KCNIP4: variants seen among roughly 807,000 people sequenced by gnomAD.
The protein encoded by KCNIP4 is Kv channel-interacting protein 4.
A neutral mutation model predicts 34.0 loss-of-function variants in KCNIP4; 12 were observed. That is an observed-to-expected ratio of 0.35 (90% CI 0.23 to 0.57). The LOEUF is 0.57. Ranked by LOEUF, KCNIP4 falls within the 20% of genes least tolerant of loss-of-function variation. KCNIP4 has a pLI of 0.83. For synonymous variants in KCNIP4, 124 were observed against 102.2 expected (o/e 1.21, Z -1.29); for missense variants, 238 against 311.7 (o/e 0.76, Z 1.78).
chr4:21,189,388 T>C (rs73247386), intron 1 of KCNIP4, among the ~76,000 whole-genome samples: 3 of 152,332 alleles, frequency 2.0e-5, no homozygotes, highest in Non-Finnish European at 4.4e-5. Flanking sequence ...TGTCATCAAA[T>C]GTCAATGTAA....
At chr4:21,340,876 G>T (rs1020177300) in intron 1 of KCNIP4, among the ~76,000 whole-genome samples, 3 of 152,066 alleles carry the variant, frequency 2.0e-5, no homozygotes. Flanking sequence ...TATTCTATGT[G>T]CATAGGGCAG....
intron 1 of KCNIP4, among the ~76,000 whole-genome samples, chr4:21,802,924 A>T (rs1185523646): frequency 1.3e-5 from 2 of 152,098 alleles, no homozygotes; most frequent in East Asian, 3.9e-4. Context: ...GAATTTTTTT[A>T]AAGGGGCTTT....
chr4:21,466,768 TACTTTAGAGTTGGCTG>T (rs1729977128), intron 1 of KCNIP4, among the ~76,000 whole-genome samples: 1 of 152,100 alleles, frequency 6.6e-6, no homozygotes, highest in African/African-American at 2.4e-5. Flanking sequence ...AAAATCAACA[TACTTTAGAGTTGGCTG>T]AATTTCTTCA....
At chr4:21,830,664 A>G (rs769740411) in intron 1 of KCNIP4, among the ~76,000 whole-genome samples, 4 of 152,106 alleles carry the variant, frequency 2.6e-5, no homozygotes, top group Admixed American at 1.3e-4. Context: ...ACAGAGCAAG[A>G]CTCAGTCTCA....
chr4:21,438,901 G>A (rs1390999256), intron 1 of KCNIP4, among the ~76,000 whole-genome samples: 3 of 152,100 alleles, frequency 2.0e-5, no homozygotes, highest in African/African-American at 7.2e-5. Flanking sequence ...GGTGGCTCAC[G>A]CCTGTAATCC....
At chr4:20,793,980 G>C (rs766841296) in intron 3 of KCNIP4, among the ~76,000 whole-genome samples, 2 of 152,070 alleles carry the variant, frequency 1.3e-5, no homozygotes, top group Non-Finnish European at 2.9e-5. Context: ...TTCTCATGTT[G>C]TTCTCATAAT....
At chr4:20,900,321 G>C (rs55838059) in intron 1 of KCNIP4, among the ~76,000 whole-genome samples, 2 of 152,134 alleles carry the variant, frequency 1.3e-5, no homozygotes, top group South Asian at 4.1e-4. Flanking sequence ...ATGAAACCCG[G>C]GGATGATCAG....
At chr4:21,248,060 ATG>A (rs111240655) in intron 1 of KCNIP4, among the ~76,000 whole-genome samples, 13 of 145,312 alleles carry the variant, frequency 8.9e-5, no homozygotes, top group South Asian at 4.3e-4. Context: ...ATATATATAT[ATG>A]TGTGTGTGTG....
intron 1 of KCNIP4, among the ~76,000 whole-genome samples, chr4:21,378,190 G>T (rs543426480): frequency 6.6e-6 from 1 of 152,248 alleles, no homozygotes; most frequent in Admixed American, 6.5e-5. Context: ...AAACCTAGTG[G>T]AATACTCACA....
intron 1 of KCNIP4, among the ~76,000 whole-genome samples, chr4:21,083,082 T>C (rs183112968): frequency 6.6e-6 from 1 of 152,018 alleles, no homozygotes; most frequent in East Asian, 1.9e-4. Flanking sequence ...CTGCAGTCTT[T>C]ACCCCTCATC....
chr4:20,903,081 C>T (rs1727345458), intron 1 of KCNIP4, among the ~76,000 whole-genome samples: 1 of 151,982 alleles, frequency 6.6e-6, no homozygotes, highest in Admixed American at 6.6e-5. Flanking sequence ...TATATGAGGC[C>T]TATACCGGGA....
At chr4:21,168,340 C>G (rs2109288313) in intron 1 of KCNIP4, among the ~76,000 whole-genome samples, 1 of 152,224 alleles carries the variant, frequency 6.6e-6, no homozygotes. Context: ...TAGTAGCTGT[C>G]CATGAAGATT....
intron 1 of KCNIP4, among the ~76,000 whole-genome samples, chr4:21,897,306 A>G (rs1206554137): frequency 6.6e-6 from 1 of 152,186 alleles, no homozygotes; most frequent in Non-Finnish European, 1.5e-5. Context: ...ATAAGACAGT[A>G]AAAGAACAGC....
chr4:20,864,623 C>A (rs192293029), intron 2 of KCNIP4, among the ~76,000 whole-genome samples: 1 of 151,846 alleles, frequency 6.6e-6, no homozygotes, highest in Non-Finnish European at 1.5e-5. Flanking sequence ...GAGGATGATG[C>A]CCCACTTATC....
At chr4:21,190,530 G>A (rs886635207) in intron 1 of KCNIP4, among the ~76,000 whole-genome samples, 1 of 151,864 alleles carries the variant, frequency 6.6e-6, no homozygotes, top group African/African-American at 2.4e-5. Flanking sequence ...GAGGGTGGGA[G>A]GGCAACTCCT....
intron 1 of KCNIP4, among the ~76,000 whole-genome samples, chr4:21,257,380 C>G (rs1010993496): frequency 2.6e-5 from 4 of 152,112 alleles, no homozygotes; most frequent in African/African-American, 9.7e-5. Context: ...ACCCCCCAGA[C>G]AAGTGATATC....
chr4:21,009,204 G>A (rs1738845353), intron 1 of KCNIP4, among the ~76,000 whole-genome samples: 1 of 152,150 alleles, frequency 6.6e-6, no homozygotes, highest in Non-Finnish European at 1.5e-5. Context: ...AGCGTGAGGA[G>A]TGGGATTCAT....
intron 1 of KCNIP4, among the ~76,000 whole-genome samples, chr4:21,173,321 G>A (rs1754152036): frequency 6.6e-6 from 1 of 152,126 alleles, no homozygotes; most frequent in Admixed American, 6.5e-5. Flanking sequence ...CAGATGAGAA[G>A]ACTAAAGCTC....
intron 1 of KCNIP4, among the ~76,000 whole-genome samples, chr4:21,258,023 CA>C (rs1761193848): frequency 6.6e-6 from 1 of 152,108 alleles, no homozygotes; most frequent in Non-Finnish European, 1.5e-5. Flanking sequence ...TCCTTAGAAT[CA>C]AATATTTTCT....
Sources: gnomAD v4.1 joint callset for allele counts (sites outside exome capture counted in the v4.1 genomes callset) on GRCh38, gnomAD v4.1.1 for gene constraint, MANE v1.5 for transcripts, NCBI Gene and HGNC (gene_info 2026-07-23, HGNC 2026-07-21) for gene names.